Variants in LONP2 observed in about 807,000 individuals in gnomAD.
The protein encoded by LONP2 is lon protease homolog 2, peroxisomal.
A neutral mutation model predicts 85.6 loss-of-function variants in LONP2; 60 were observed. The ratio of observed to expected loss-of-function variants is 0.70; its 90% CI spans 0.57 to 0.87. The LOEUF (loss-of-function observed/expected upper bound fraction) is 0.87. LONP2 is among the 40% of genes least tolerant of loss of function. The probability of loss-of-function intolerance (pLI) is 0.00; values close to 1 mark genes in which losing one functional copy is unlikely to be tolerated. For missense variants in LONP2, 860 were observed against 1,063.5 expected (o/e 0.81, Z 2.66); for synonymous variants, 395 against 389.7 (o/e 1.01, Z -0.16).
intron 4 of LONP2, among the ~76,000 whole-genome samples, chr16:48,260,207 C>G (rs1008945847): frequency 8.6e-5 from 13 of 151,902 alleles, no homozygotes. Context: ...ATATTTAGTA[C>G]TTGTGTTTTT....
At position 48,355,165 on chromosome 16, in the gene LONP2, G is replaced by A. The variant is rs1960293936; in HGVS notation, c.*3363G>A. 6.6e-6 allele frequency: 1 copy of A among 152,104 alleles called. No homozygotes were observed. Among genetic ancestry groups the A allele is most frequent in the Non-Finnish European group, 1.5e-5 (1 of 68,046 alleles). The allele number at this position is 152,104 out of a possible 1,614,324, so 9.4% of individuals were successfully genotyped here. A position where few individuals can be genotyped will look rare whatever the true frequency, so the allele number is the denominator to read the frequency against. On this transcript the variant is annotated 3_prime_UTR_variant, in exon 15 of 15. Transcript: ENST00000285737. ...GTCCTTTAGGGATACATATCCAGGA[G>A]CAGAACTACTAGATCACATATGCTA...
At position 48,353,993 on chromosome 16, in the gene LONP2, T is replaced by G. The variant is rs941290372; in HGVS notation, c.*2191T>G. 7 of 149,258 alleles carry G rather than the reference T, an allele frequency of 4.7e-5. No individual in the cohort carries two copies. The highest frequency in any genetic ancestry group is 1.3e-4 in the African/African-American group (5 of 39,592). The allele number at this position is 149,258 out of a possible 1,614,324, so 9.2% of individuals were successfully genotyped here. A position where few individuals can be genotyped will look rare whatever the true frequency, so the allele number is the denominator to read the frequency against. On this transcript the variant is annotated 3_prime_UTR_variant, in exon 15 of 15. Transcript: ENST00000285737. ...CATTGCACTAGCTTTGTTTTTGGTT[T>G]GTTTTGTTTTTTTTTTAATTCCAGG...
At chr16:48,255,216 G>T (rs935852886) in intron 2 of LONP2, among the ~76,000 whole-genome samples, 1 of 152,176 alleles carries the variant, frequency 6.6e-6, no homozygotes, top group Non-Finnish European at 1.5e-5. Flanking sequence ...AGTGGGGGTT[G>T]TGTCTGCCTA....
intron 11 of LONP2, among the ~76,000 whole-genome samples, chr16:48,333,694 G>C (rs1393609093): frequency 6.7e-6 from 1 of 150,266 alleles, no homozygotes; most frequent in African/African-American, 2.4e-5. Flanking sequence ...GAGAGAGAGA[G>C]AGAGAAGAGG....
chr16:48,282,942 A>G (rs145308201), intron 8 of LONP2, among the ~76,000 whole-genome samples: 25 of 152,404 alleles, frequency 1.6e-4, no homozygotes, highest in African/African-American at 6.0e-4. Context: ...AAAGGAAATT[A>G]GAAATGCTAT....
chr16:48,313,725 T>C (rs1973082810), intron 11 of LONP2, among the ~76,000 whole-genome samples: 1 of 152,242 alleles, frequency 6.6e-6, no homozygotes, highest in Non-Finnish European at 1.5e-5. Flanking sequence ...ATCCAGTCTG[T>C]CATTGATGCG....
chr16:48,357,452 C>T (rs532492640), downstream of LONP2: 3 of 152,328 alleles, frequency 2.0e-5, no homozygotes, highest in African/African-American at 7.2e-5. Context: ...GCTTCAAACT[C>T]CGGGTCTCTG....
At chr16:48,314,335 T>C (rs984855089) in intron 11 of LONP2, among the ~76,000 whole-genome samples, 1 of 152,218 alleles carries the variant, frequency 6.6e-6, no homozygotes, top group Non-Finnish European at 1.5e-5. Context: ...ATTTTTGCTT[T>C]TGTTGCTATT....
chr16:48,360,393 T>C (rs1257051908), downstream of LONP2: 1 of 111,150 alleles, frequency 9.0e-6, no homozygotes, highest in Non-Finnish European at 1.7e-5. Flanking sequence ...ACCCAGTTAT[T>C]TGCTGTGATT....
chr16:48,324,094 T>C (rs1259718888), intron 11 of LONP2, among the ~76,000 whole-genome samples: 1 of 152,224 alleles, frequency 6.6e-6, no homozygotes, highest in Non-Finnish European at 1.5e-5. Context: ...CTGATTTTTT[T>C]CAAAAGATAC....
intron 8 of LONP2, among the ~76,000 whole-genome samples, chr16:48,284,057 G>A (rs544713787): frequency 1.6e-4 from 24 of 152,318 alleles, no homozygotes; most frequent in African/African-American, 5.5e-4. Context: ...GGTAGAAATA[G>A]CAAGAGAACT....
At position 48,351,616 on chromosome 16, in the gene LONP2, CAG is replaced by C. The variant is rs767819400; in HGVS notation, c.2376_2377del (p.Arg792SerfsTer13). 1.9e-5 allele frequency: 31 copies of C among 1,613,972 alleles called. No individual in the cohort carries two copies. The highest frequency in any genetic ancestry group is 2.6e-5 in the Non-Finnish European group (31 of 1,179,952). ...TTAAAGACAAAGTGCTGGCGGCACA[CAG>C]AGCGGGACTGAAGCAAGTCATTATT... ...GIKDKVLAAH[R>X]AGLKQVIIPR... On this transcript the variant is annotated frameshift_variant, in exon 15 of 15. Transcript: ENST00000285737. LOFTEE classifies it high-confidence loss of function.
intron 10 of LONP2, among the ~76,000 whole-genome samples, chr16:48,302,568 G>T (rs1596965100): frequency 6.6e-6 from 1 of 152,162 alleles, no homozygotes; most frequent in East Asian, 1.9e-4. Context: ...AAGCAGCTCT[G>T]CTTAAACCAC....
chr16:48,298,617 TTTAA>T (rs1372121496), intron 9 of LONP2, among the ~76,000 whole-genome samples: 6 of 130,912 alleles, frequency 4.6e-5, no homozygotes, highest in African/African-American at 1.1e-4. Context: ...CCACTGCTTA[TTTAA>T]TTGAGGTGTG....
chr16:48,351,843 C>A lies in LONP2; in HGVS notation c.*41C>A. ...TTTTAGAATTTTAAGTTATGAAGTG[C>A]TCAAAGGTACTGACACAGTTGATTT... On this transcript the variant is annotated 3_prime_UTR_variant, in exon 15 of 15. Coordinates refer to ENST00000285737, the MANE Select transcript of LONP2 (RefSeq NM_031490.5). 1 of 1,495,478 alleles carries A rather than the reference C, an allele frequency of 6.7e-7. No individual in the cohort carries two copies. Among genetic ancestry groups the A allele is most frequent in the Non-Finnish European group, 9.3e-7 (1 of 1,075,926 alleles). 92.6% of individuals were successfully genotyped at this position (1,495,478 alleles called of 1,614,324 possible).
chr16:48,330,050 T>C (rs147226462), intron 11 of LONP2, among the ~76,000 whole-genome samples: 184 of 152,378 alleles, frequency 1.2e-3, no homozygotes, highest in African/African-American at 3.8e-3. Flanking sequence ...TCCTGAAAGA[T>C]TGAACCAGTT....
intron 8 of LONP2, among the ~76,000 whole-genome samples, chr16:48,285,708 TTA>T (rs1463636834): frequency 1.3e-5 from 2 of 152,162 alleles, no homozygotes; most frequent in Non-Finnish European, 2.9e-5. Flanking sequence ...TTATCTTTGT[TTA>T]TATTCTCTAT....
At position 48,348,119 on chromosome 16, in the gene LONP2, T is replaced by C; in HGVS notation, c.2166T>C (p.Leu722=). ...QLTNAFGSFD[L]LDNTDIHLHF... is the part of the protein sequence containing the mutation. Reference sequence around the variant, plus strand: ...TTAAAGCTTTTGGAAGTTTTGATCTTCTTGACAACACAGACATCCATCTGC... The same window carrying C: ...TTAAAGCTTTTGGAAGTTTTGATCTCCTTGACAACACAGACATCCATCTGC... The change falls in exon 14 of 15, where the codon CTT becomes CTC. Residue 722 remains leucine (L), a synonymous_variant. Coordinates refer to ENST00000285737, the MANE Select transcript of LONP2 (RefSeq NM_031490.5). 1 of 1,604,194 alleles carries C rather than the reference T, an allele frequency of 6.2e-7. No individual in the cohort carries two copies. The highest frequency in any genetic ancestry group is 1.1e-5 in the South Asian group (1 of 87,954).
chr16:48,253,422 A>AT (rs1187335776), intron 2 of LONP2, among the ~76,000 whole-genome samples: 2 of 151,846 alleles, frequency 1.3e-5, no homozygotes, highest in African/African-American at 4.8e-5. Flanking sequence ...GTGAGCCAAG[A>AT]TTGCATCACT....
Sources: allele counts gnomAD v4.1 joint callset (sites outside exome capture counted in the v4.1 genomes callset), GRCh38; gene constraint gnomAD v4.1.1; transcripts MANE v1.5; gene names NCBI Gene and HGNC (gene_info 2026-07-23, HGNC 2026-07-21).